Variants in FBN3 observed in about 807,000 individuals in gnomAD.
FBN3 encodes fibrillin 3, also known as fibrillin-3.
In FBN3, 234 loss-of-function variants were observed where a neutral mutation model predicts 330.1. The ratio of observed to expected loss-of-function variants is 0.71; its 90% confidence interval spans 0.64 to 0.79. The LOEUF is 0.79. FBN3 is among the 30% of genes least tolerant of loss of function. FBN3 has a pLI of 0.00. For missense variants in FBN3, 3,606 were observed against 3,886.9 expected (o/e 0.93, Z 1.92); for synonymous variants, 1,458 against 1,517.3 (o/e 0.96, Z 0.91).
chr19:8,111,225 C>A, intron 32 of FBN3, 42 bp from the exon 33 acceptor site: 1 of 1,554,204 alleles, frequency 6.4e-7, no homozygotes, highest in South Asian at 1.2e-5. Flanking sequence ...GCCGGTGGAC[C>A]AGGACCCACA....
chr19:8,089,845 G>A, intron 50 of FBN3, 49 bp downstream of exon 50: 6 of 1,552,394 alleles, frequency 3.9e-6, no homozygotes, highest in Non-Finnish European at 5.2e-6. Flanking sequence ...TGCGGAGATG[G>A]ATCTGGGTGG....
At chr19:8,119,134 G>C (rs1568422583) in intron 25 of FBN3, 112 bp from the exon 26 acceptor site, 1 of 1,305,396 alleles carries the variant, frequency 7.7e-7, no homozygotes, top group Non-Finnish European at 1.0e-6. Flanking sequence ...CTTCACCCCA[G>C]CGGGAGCCAG....
At position 8,108,204 on chromosome 19, in the gene FBN3, G is replaced by T. The variant is rs1423718270; in HGVS notation, c.4653C>A (p.Gly1551=). ...TGACAGTGATGCGGTTAGGCTGGAA[G>T]CCCTCACCACCCGGGCACAGGGTTC... ...EYRTLCPGGE[G]FQPNRITVIL... The change falls in exon 37 of 64, where the codon GGC becomes GGA. Residue 1551 remains glycine, a synonymous_variant. Transcript: ENST00000600128. The T allele has an allele frequency of 1.9e-6, 3 of 1,613,060 alleles. No homozygotes were observed. The highest frequency in any genetic ancestry group is 2.5e-6 in the Non-Finnish European group (3 of 1,179,672).
In FBN3 at chr19:8,087,935, C is replaced by T. The variant is rs1236203922; in HGVS notation, c.6509G>A (p.Cys2170Tyr). ...LMMTCEDIDE[C>Y]SLNPLLCAFR... ...GGCACAGAGCAGCGGGTTCAGGGAG[C>T]ATTCGTCGATGTCTGGGGAGGCCAG... Residue 2170 changes from cysteine (C) to tyrosine (Y), a missense_variant, in exon 53 of 64, where the codon TGC (cysteine) becomes TAC (tyrosine). Physicochemically the swap from Cys to Tyr is radical, Grantham distance 194. Coordinates refer to ENST00000600128, the MANE Select transcript of FBN3 (RefSeq NM_032447.5). 1.2e-6 allele frequency: 2 copies of T among 1,614,100 alleles called. No homozygotes were observed. Among genetic ancestry groups the T allele is most frequent in the South Asian group, 1.1e-5 (1 of 91,082 alleles).
intron 8 of FBN3, among the ~76,000 whole-genome samples, chr19:8,139,323 G>T (rs2083360572): frequency 6.6e-6 from 1 of 152,150 alleles, no homozygotes; most frequent in Admixed American, 6.5e-5. Flanking sequence ...CTCCAGCCTG[G>T]GCCACAGACC....
Position 8,109,405 on chromosome 19 carries a change from G to C in FBN3, c.4457-17C>G. ...CCCGAGTGTCTGAACAGGCAGAAGG[G>C]GATGGTTAGTAGGTGTCAGAGGGAA... On this transcript the variant is annotated splice_polypyrimidine_tract_variant and intron_variant, in intron 35 of 63. Coordinates refer to ENST00000600128, the MANE Select transcript of FBN3 (RefSeq NM_032447.5). The surrounding 1 kb of genome is among the most constrained non-coding windows in gnomAD (Gnocchi z 5.2). 1 of 1,614,086 alleles carries C rather than the reference G, an allele frequency of 6.2e-7. No homozygotes were observed. The highest frequency in any genetic ancestry group is 8.5e-7 in the Non-Finnish European group (1 of 1,179,940).
rs937005361 is a variant in FBN3 at position 8,117,725 on chromosome 19, C to A, written c.3338-136G>T. ...TGGCACAGCCCCGCATGTGCCTATC[C>A]GTACACTTGCATTCACTCACATGCA... On this transcript the variant is annotated intron_variant, in intron 26 of 63. Transcript: ENST00000600128. 8 of 1,003,872 alleles carry A rather than the reference C, an allele frequency of 8.0e-6. No homozygotes were observed. The East Asian group carries it at 2.1e-4, about 27-fold the overall frequency. 62.2% of individuals were successfully genotyped at this position (1,003,872 alleles called of 1,614,324 possible).
chr19:8,084,045 G>T lies in FBN3; in HGVS notation c.7088-673C>A, dbSNP rs561391155. On this transcript the variant is annotated intron_variant, in intron 56 of 63. Transcript: ENST00000600128. The stretch of plus-strand genomic sequence containing the variant: ...TCTCAATCTCCTGACCTCGTGATCT[G>T]CCCGCCTCAGCCTCCCAAAGTGCTG... Among the ~76,000 whole-genome samples the T allele has an allele frequency of 2.1e-3, 315 of 151,654 alleles. 2 individuals carry two copies. Among genetic ancestry groups the T allele is most frequent in the Middle Eastern group, 0.017 (5 of 292 alleles).
chr19:8,073,334 A>G, intron 61 of FBN3, 37 bp from the exon 62 acceptor site: 1 of 1,561,402 alleles, frequency 6.4e-7, no homozygotes, highest in Non-Finnish European at 8.8e-7. Context: ...GAGGACGCAG[A>G]GGTGGGGCAG....
chr19:8,119,004 C>T lies in FBN3; in HGVS notation c.3230G>A (p.Arg1077Lys). The change falls in exon 26 of 64, where the codon AGG becomes AAG. Residue 1077 changes from arginine to lysine, a missense_variant. Coordinates refer to ENST00000600128, the MANE Select transcript of FBN3 (RefSeq NM_032447.5). ...KNCMDVDECA[R>K]DPLLCRGGTC... ...GCCTCCCCGGCAGAGCAGCGGGTCC[C>T]TTGCACACTCGTCCACGTCTGAAGG... 1.2e-6 allele frequency: 2 copies of T among 1,604,996 alleles called. No homozygotes were observed.
intron 47 of FBN3, 148 bp downstream of exon 47, chr19:8,094,298 T>C (rs1168840572): frequency 3.7e-6 from 3 of 812,574 alleles, no homozygotes; most frequent in African/African-American, 3.4e-5. Context: ...ACAATCAGAA[T>C]GACAATAATA....
At chr19:8,130,660 GAAAAGA>G (rs2083122283) in intron 16 of FBN3, among the ~76,000 whole-genome samples, 1 of 94,154 alleles carries the variant, frequency 1.1e-5, no homozygotes, top group African/African-American at 5.0e-5. Context: ...GAAAGGAAAG[GAAAAGA>G]AAAGAAAAGA....
intron 59 of FBN3, among the ~76,000 whole-genome samples, chr19:8,079,721 G>T (rs1363753415): frequency 6.6e-6 from 1 of 152,136 alleles, no homozygotes; most frequent in Non-Finnish European, 1.5e-5. Context: ...CTCCCAAGTA[G>T]TTGGGATTAC....
At chr19:8,102,229 T>A (rs1427635032) in intron 40 of FBN3, among the ~76,000 whole-genome samples, 1 of 151,816 alleles carries the variant, frequency 6.6e-6, no homozygotes, top group African/African-American at 2.4e-5. Context: ...TTTATTTTTT[T>A]TTTGAGATGG....
Position 8,147,449 on chromosome 19 carries a change from C to A in FBN3, c.32G>T (p.Gly11Val). Residue 11 changes from glycine to valine, a missense_variant, in exon 2 of 64, where the codon GGC becomes GTC. Coordinates refer to ENST00000600128, the MANE Select transcript of FBN3 (RefSeq NM_032447.5). ...GGCCAGCAGGAGCCGGGCCAGGGGG[C>A]CCCTTGCCAAATACAGACCCTCCAG... The part of the protein sequence containing the change: MTLEGLYLAR[G>V]PLARLLLAWS... The A allele has an allele frequency of 6.4e-7, 1 of 1,558,796 alleles. No homozygotes were observed. Among genetic ancestry groups the A allele is most frequent in the Non-Finnish European group, 8.7e-7 (1 of 1,155,230 alleles).
chr19:8,147,001 G>C, intron 3 of FBN3, 103 bp downstream of exon 3: 2 of 1,069,086 alleles, frequency 1.9e-6, no homozygotes, highest in South Asian at 2.8e-5. Flanking sequence ...GGTTCAGCCA[G>C]AGGTCCCTGG....
chr19:8,136,623 C>A (rs2083288080), intron 10 of FBN3, 92 bp from the exon 11 acceptor site: 4 of 1,542,648 alleles, frequency 2.6e-6, no homozygotes, highest in Admixed American at 3.5e-5. Context: ...CAGATACCCC[C>A]TCTAAGGCTG....
chr19:8,071,118 A>G (rs954260827), intron 63 of FBN3, among the ~76,000 whole-genome samples: 1 of 152,100 alleles, frequency 6.6e-6, no homozygotes, highest in Non-Finnish European at 1.5e-5. Context: ...TGATACCTGC[A>G]TACAGCAGGT....
At chr19:8,115,792 G>A (rs987807530) in intron 29 of FBN3, 152 bp from the exon 30 acceptor site, 3 of 854,006 alleles carry the variant, frequency 3.5e-6, no homozygotes, top group East Asian at 5.4e-5. Context: ...CTCCAGGGGC[G>A]GGGAGCTCCC....
Sources: allele counts gnomAD v4.1 joint callset (sites outside exome capture counted in the v4.1 genomes callset), GRCh38; gene constraint gnomAD v4.1.1; non-coding constraint Gnocchi (gnomAD v3.1); transcripts MANE v1.5; gene names NCBI Gene and HGNC (gene_info 2026-07-23, HGNC 2026-07-21).